The following ZNF385B variants were observed in gnomAD, a reference collection of about 807,000 sequenced individuals.
The protein encoded by ZNF385B is zinc finger protein 533.
In ZNF385B, 23 loss-of-function variants were observed where a neutral mutation model predicts 39.2. The observed-to-expected ratio is 0.59, with a 90% CI of 0.42 to 0.83. ZNF385B has a LOEUF of 0.83. ZNF385B is among the 40% of genes least tolerant of loss of function. The probability of loss-of-function intolerance (pLI) is 0.00; values close to 1 mark genes in which losing one functional copy is unlikely to be tolerated. For missense variants in ZNF385B, 552 were observed against 598.9 expected (o/e 0.92, Z 0.82); for synonymous variants, 205 against 222.6 (o/e 0.92, Z 0.70).
intron 1 of ZNF385B, among the ~76,000 whole-genome samples, chr2:179,807,285 A>C (rs1351759813): frequency 6.6e-6 from 1 of 152,182 alleles, no homozygotes; most frequent in Non-Finnish European, 1.5e-5. Context: ...TAAAATTATA[A>C]TGTCAAATTA....
intron 6 of ZNF385B, among the ~76,000 whole-genome samples, chr2:179,450,901 C>G (rs1230181443): frequency 1.3e-5 from 2 of 151,840 alleles, no homozygotes; most frequent in Non-Finnish European, 2.9e-5. Flanking sequence ...ACATATACAC[C>G]ATGGAATACT....
intron 3 of ZNF385B, chr2:179,562,562 T>C (rs1684045318): frequency 2.0e-6 from 2 of 985,306 alleles, no homozygotes; most frequent in Middle Eastern, 5.2e-4. Flanking sequence ...TCATACGTCC[T>C]GTAATTGCCG....
intron 3 of ZNF385B, among the ~76,000 whole-genome samples, chr2:179,680,062 T>C (rs971422568): frequency 6.6e-6 from 1 of 152,210 alleles, no homozygotes; most frequent in African/African-American, 2.4e-5. Context: ...ACCATTTACT[T>C]TGGATAATGA....
At chr2:179,636,733 C>A (rs1014001389) in intron 3 of ZNF385B, among the ~76,000 whole-genome samples, 3 of 152,088 alleles carry the variant, frequency 2.0e-5, no homozygotes, top group African/African-American at 7.2e-5. Context: ...GCATTTTGAC[C>A]TTCCTATCTC....
chr2:179,707,261 C>T (rs1179802335), intron 3 of ZNF385B, among the ~76,000 whole-genome samples: 1 of 152,168 alleles, frequency 6.6e-6, no homozygotes, highest in Non-Finnish European at 1.5e-5. Flanking sequence ...GCTTCTCCAT[C>T]TATGGGACAT....
At chr2:179,761,819 T>C (rs1044967316) in intron 3 of ZNF385B, among the ~76,000 whole-genome samples, 2 of 149,192 alleles carry the variant, frequency 1.3e-5, no homozygotes, top group Non-Finnish European at 3.0e-5. Flanking sequence ...AGGCTGGTCT[T>C]GAACTCCTAG....
intron 6 of ZNF385B, among the ~76,000 whole-genome samples, chr2:179,462,528 G>A (rs1040381934): frequency 1.3e-5 from 2 of 151,976 alleles, no homozygotes; most frequent in Admixed American, 6.6e-5. Context: ...GCCACCAACT[G>A]ATGACATATA....
chr2:179,861,377 GCC>G lies in ZNF385B; in HGVS notation c.-433_-432del, dbSNP rs1431158355. Reference sequence around the variant, plus strand: ...CCCGGCCGCTGCCCCCGCGCTGAGCGCCTGCGCACCGGGCCTCGCCCAGGTGA... The same window carrying G: ...CCCGGCCGCTGCCCCCGCGCTGAGCGTGCGCACCGGGCCTCGCCCAGGTGA... On this transcript the variant is annotated 5_prime_UTR_variant, in exon 1 of 10. Transcript: ENST00000410066. The G allele has an allele frequency of 6.7e-6, 1 of 150,090 alleles. No homozygotes were observed. The allele number at this position is 150,090 out of a possible 1,614,324, so 9.3% of individuals were successfully genotyped here.
chr2:179,487,624 T>C (rs1261679583), intron 5 of ZNF385B, among the ~76,000 whole-genome samples: 1 of 152,212 alleles, frequency 6.6e-6, no homozygotes, highest in African/African-American at 2.4e-5. Context: ...CCATCAACAA[T>C]GGCTCTTGTG....
At chr2:179,721,739 A>G (rs1189703842) in intron 3 of ZNF385B, among the ~76,000 whole-genome samples, 2 of 152,108 alleles carry the variant, frequency 1.3e-5, no homozygotes, top group Non-Finnish European at 2.9e-5. Flanking sequence ...TAGGATAGCT[A>G]TTAAAAAAAC....
At chr2:179,766,105 T>A (rs919771298) in intron 3 of ZNF385B, among the ~76,000 whole-genome samples, 1 of 151,104 alleles carries the variant, frequency 6.6e-6, no homozygotes, top group South Asian at 2.1e-4. Context: ...ATCTTCCTGT[T>A]GTTCTAAAGC....
chr2:179,748,673 T>A (rs138072809), intron 3 of ZNF385B, among the ~76,000 whole-genome samples: 2 of 152,274 alleles, frequency 1.3e-5, no homozygotes, highest in East Asian at 1.9e-4. Context: ...AGTTTTAAAA[T>A]CCATTTTAAA....
intron 3 of ZNF385B, among the ~76,000 whole-genome samples, chr2:179,561,109 C>A (rs1340927413): frequency 1.3e-5 from 2 of 152,170 alleles, no homozygotes; most frequent in East Asian, 3.8e-4. Context: ...GCACAAGGTG[C>A]TTTTACATAT....
chr2:179,818,099 C>T (rs950645271), intron 1 of ZNF385B, among the ~76,000 whole-genome samples: 1 of 151,658 alleles, frequency 6.6e-6, no homozygotes, highest in Non-Finnish European at 1.5e-5. Context: ...TGTGTGTCAG[C>T]CCAAGTGAGT....
chr2:179,795,139 G>A (rs1705577652), intron 1 of ZNF385B, among the ~76,000 whole-genome samples: 1 of 152,016 alleles, frequency 6.6e-6, no homozygotes, highest in Non-Finnish European at 1.5e-5. Context: ...TGAAATCAAG[G>A]AAGCTAAAAA....
chr2:179,737,510 A>T (rs990139077), intron 3 of ZNF385B, among the ~76,000 whole-genome samples: 4 of 149,868 alleles, frequency 2.7e-5, no homozygotes, highest in East Asian at 1.9e-4. Context: ...GCCCATCAAT[A>T]TCTACCTGTT....
chr2:179,539,314 T>C (rs960760011), intron 4 of ZNF385B, among the ~76,000 whole-genome samples: 1 of 152,154 alleles, frequency 6.6e-6, no homozygotes, highest in African/African-American at 2.4e-5. Context: ...CCCACCCTCA[T>C]GACCTCAACT....
chr2:179,613,393 T>A (rs982179895), intron 3 of ZNF385B, among the ~76,000 whole-genome samples: 3 of 152,086 alleles, frequency 2.0e-5, no homozygotes, highest in Non-Finnish European at 2.9e-5. Context: ...CATCTCTGAG[T>A]CTCACCCAAG....
chr2:179,720,688 T>C (rs1700632400), intron 3 of ZNF385B, among the ~76,000 whole-genome samples: 1 of 152,096 alleles, frequency 6.6e-6, no homozygotes. Flanking sequence ...TTAGGTTAAA[T>C]ATAAAACATA....
Sources: gnomAD v4.1 joint callset for allele counts (sites outside exome capture counted in the v4.1 genomes callset) on GRCh38, gnomAD v4.1.1 for gene constraint, MANE v1.5 for transcripts, NCBI Gene and HGNC (gene_info 2026-07-23, HGNC 2026-07-21) for gene names.